The following NCR3LG1 variants were observed in gnomAD, a reference collection of about 807,000 sequenced individuals.
The protein encoded by NCR3LG1 is natural killer cell cytotoxicity receptor 3 ligand 1.
NCR3LG1 carries 35 observed loss-of-function variants against 34.8 expected under a neutral mutation model. The observed-to-expected ratio is 1.01, with a 90% confidence interval of 0.77 to 1.33. The LOEUF (loss-of-function observed/expected upper bound fraction) is 1.33, where lower values mean the gene tolerates loss of function less well. NCR3LG1 is among the 40% of genes most tolerant of loss of function. The pLI is 0.00. For missense variants in NCR3LG1, 452 were observed against 423.3 expected (o/e 1.07, Z -0.60); for synonymous variants, 173 against 163.6 (o/e 1.06, Z -0.44).
chr11:17,351,814 G>T lies in NCR3LG1; in HGVS notation c.-156G>T. ...CAGGCGACTTCGCAGTTGCCGAAGGGATCTGAAGAAGTGGGATGTGCAAAA... is the reference window on the plus strand; with the variant it reads ...CAGGCGACTTCGCAGTTGCCGAAGGTATCTGAAGAAGTGGGATGTGCAAAA... On this transcript the variant is annotated 5_prime_UTR_variant, in exon 1 of 5. Transcript: ENST00000338965. 1 of 593,124 alleles carries T rather than the reference G, an allele frequency of 1.7e-6. No homozygotes were observed. Among genetic ancestry groups the T allele is most frequent in the Non-Finnish European group, 3.0e-6 (1 of 337,896 alleles). The allele number at this position is 593,124 out of a possible 1,614,324, so 36.7% of individuals were successfully genotyped here. A position where few individuals can be genotyped will look rare whatever the true frequency, so the allele number is the denominator to read the frequency against.
chr11:17,367,147 C>A lies in NCR3LG1; in HGVS notation c.560C>A (p.Pro187His), dbSNP rs989348977. The A allele has an allele frequency of 2.0e-6, 3 of 1,536,486 alleles. No homozygotes were observed. The highest frequency in any genetic ancestry group is 1.7e-6 in the Non-Finnish European group (2 of 1,147,024). ...AAGCAGACCCAGAAGTTTCCCCATCCCATAGAGATTTCTGAGGATGTCATC... is the reference window on the plus strand; with the variant it reads ...AAGCAGACCCAGAAGTTTCCCCATCACATAGAGATTTCTGAGGATGTCATC... ...WEKQTQKFPH[P>H]IEISEDVITG... Residue 187 changes from proline (P) to histidine (H), a missense_variant, in exon 3 of 5, where the codon CCC (proline) becomes CAC (histidine). Transcript: ENST00000338965.
At position 17,357,925 on chromosome 11, in the gene NCR3LG1, A is replaced by G. The variant is rs568562481; in HGVS notation, c.421+924A>G. 2.0e-5 allele frequency among the ~76,000 whole-genome samples: 3 copies of G among 152,212 alleles called. No homozygotes were observed. In the South Asian group the frequency reaches 6.2e-4, roughly 32 times the overall value. The stretch of plus-strand genomic sequence containing the variant: ...CTTGTGTTGCCCAGGCTCGTCTCCA[A>G]CTTCTGGCCTCAAGAGATCCTTGTG... On this transcript the variant is annotated intron_variant, in intron 2 of 4. Coordinates refer to ENST00000338965, the MANE Select transcript of NCR3LG1 (RefSeq NM_001202439.3).
chr11:17,361,403 T>C (rs1953268127), intron 2 of NCR3LG1, among the ~76,000 whole-genome samples: 1 of 151,766 alleles, frequency 6.6e-6, no homozygotes, highest in African/African-American at 2.4e-5. Flanking sequence ...TTCTCCTACC[T>C]CAGCCTCCCG....
chr11:17,381,008 C>G (rs531121282), downstream of NCR3LG1: 3 of 152,276 alleles, frequency 2.0e-5, 1 homozygote, highest in South Asian at 6.2e-4. Context: ...TTTCCAAGAT[C>G]CTATCAACTC....
Position 17,372,676 on chromosome 11 carries a change from G to C in NCR3LG1, c.*164G>C, listed in dbSNP as rs1210763219. 1 of 568,594 alleles carries C rather than the reference G, an allele frequency of 1.8e-6. No homozygotes were observed. Among genetic ancestry groups the C allele is most frequent in the East Asian group, 2.8e-5 (1 of 35,914 alleles). 35.2% of individuals were successfully genotyped at this position (568,594 alleles called of 1,614,324 possible). A position where few individuals can be genotyped will look rare whatever the true frequency, so the allele number is the denominator to read the frequency against. On this transcript the variant is annotated 3_prime_UTR_variant, in exon 5 of 5. Transcript: ENST00000338965. ...TTGACCTTACTTGGGGTGATGTTAT[G>C]TTGCTCTTAAACTCTTAACTACTAC...
intron 4 of NCR3LG1, among the ~76,000 whole-genome samples, chr11:17,370,086 C>G (rs1031641291): frequency 6.6e-6 from 1 of 152,164 alleles, no homozygotes; most frequent in African/African-American, 2.4e-5. Context: ...GGGAACAAAG[C>G]CACATGGAGT....
rs565023536 is a variant in NCR3LG1 at position 17,353,733 on chromosome 11, C to T, written c.70+1694C>T. Among the ~76,000 whole-genome samples, 27 of 152,172 alleles carry T rather than the reference C, an allele frequency of 1.8e-4. 1 individual carries two copies. The highest frequency in any genetic ancestry group is 1.7e-3 in the Admixed American group (26 of 15,302). On this transcript the variant is annotated intron_variant, in intron 1 of 4. Coordinates refer to ENST00000338965, the MANE Select transcript of NCR3LG1 (RefSeq NM_001202439.3). ...GTGACGGCAGCAGCAGCAGCAGCTC[C>T]TGGAGGAAGCTAGTTCCGGCTCGTC...
chr11:17,362,575 T>G (rs566479873), intron 2 of NCR3LG1, among the ~76,000 whole-genome samples: 1 of 152,126 alleles, frequency 6.6e-6, no homozygotes, highest in East Asian at 1.9e-4. Context: ...TTTAGTAGGA[T>G]TAACCAGTGA....
intron 3 of NCR3LG1, among the ~76,000 whole-genome samples, chr11:17,368,301 G>A (rs1444671294): frequency 6.6e-6 from 1 of 152,152 alleles, no homozygotes; most frequent in African/African-American, 2.4e-5. Context: ...CTGGTCTTGG[G>A]TGTGGGTGGC....
At chr11:17,359,264 T>A (rs1953243691) in intron 2 of NCR3LG1, among the ~76,000 whole-genome samples, 1 of 152,200 alleles carries the variant, frequency 6.6e-6, no homozygotes, top group South Asian at 2.1e-4. Context: ...TACAAATATT[T>A]CTATGTGTAA....
At chr11:17,356,009 T>C (rs1953200088) in intron 1 of NCR3LG1, among the ~76,000 whole-genome samples, 1 of 152,006 alleles carries the variant, frequency 6.6e-6, no homozygotes, top group Non-Finnish European at 1.5e-5. Context: ...TTATATTGCC[T>C]AGTCTGGTCT....
rs1953442427 is a variant in NCR3LG1 at position 17,373,774 on chromosome 11, C to T, written c.*1262C>T. The T allele has an allele frequency of 6.8e-6, 1 of 148,014 alleles. No homozygotes were observed. The highest frequency in any genetic ancestry group is 6.7e-5 in the Admixed American group (1 of 14,824). 9.2% of individuals were successfully genotyped at this position (148,014 alleles called of 1,614,324 possible). ...GTTTACACAGGCCTTTTTAGTCATG[C>T]CTGAAAGTCCCACTCCTTTATTAGA... On this transcript the variant is annotated 3_prime_UTR_variant, in exon 5 of 5. Coordinates refer to ENST00000338965, the MANE Select transcript of NCR3LG1 (RefSeq NM_001202439.3).
intron 3 of NCR3LG1, among the ~76,000 whole-genome samples, 170 bp from the exon 4 acceptor site, chr11:17,368,697 T>TGGA (rs999343963): frequency 6.6e-6 from 1 of 152,154 alleles, no homozygotes; most frequent in African/African-American, 2.4e-5. Context: ...GTTTGATGTA[T>TGGA]GGAGGTGTAT....
chr11:17,356,038 C>T (rs1000983631), intron 1 of NCR3LG1, among the ~76,000 whole-genome samples: 33 of 151,964 alleles, frequency 2.2e-4, no homozygotes, highest in Non-Finnish European at 3.4e-4. Flanking sequence ...TGGGCTCAAA[C>T]GATCCTCTGG....
At chr11:17,378,175 C>G (rs59134929), downstream of NCR3LG1, among the ~76,000 whole-genome samples, 32,080 of 152,060 alleles carry the variant, frequency 0.21, 3,692 homozygotes, top group African/African-American at 0.27. Flanking sequence ...TAGACAGGCC[C>G]TAGATATCCT....
intron 2 of NCR3LG1, among the ~76,000 whole-genome samples, chr11:17,360,399 C>T (rs969550723): frequency 7.9e-5 from 12 of 152,108 alleles, no homozygotes; most frequent in African/African-American, 2.7e-4. Context: ...TTTAAAAAGT[C>T]GAACTTACTA....
chr11:17,364,712 A>T lies in NCR3LG1; in HGVS notation c.422-2297A>T, dbSNP rs557892220. ...CAGGCATGCGCCACCACCCCTGGCTAATTTTGTATTTTTAGTAGAAATGGG... is the reference window on the plus strand; with the variant it reads ...CAGGCATGCGCCACCACCCCTGGCTTATTTTGTATTTTTAGTAGAAATGGG... On this transcript the variant is annotated intron_variant, in intron 2 of 4. Transcript: ENST00000338965. Among the ~76,000 whole-genome samples, 1,165 of 151,908 alleles carry T rather than the reference A, an allele frequency of 7.7e-3. 14 individuals are homozygous for T. The highest frequency in any genetic ancestry group is 0.027 in the Middle Eastern group (8 of 294).
At chr11:17,378,907 C>T (rs1445882687), downstream of NCR3LG1, among the ~76,000 whole-genome samples, 1 of 152,168 alleles carries the variant, frequency 6.6e-6, no homozygotes, top group East Asian at 1.9e-4. Flanking sequence ...ATTCCATTCC[C>T]TGAGACATGC....
chr11:17,354,468 C>T (rs911320362), intron 1 of NCR3LG1, among the ~76,000 whole-genome samples: 2 of 151,404 alleles, frequency 1.3e-5, no homozygotes, highest in African/African-American at 4.8e-5. Flanking sequence ...GTCTGGCACT[C>T]AGGTTTGTAT....
Sources: gnomAD v4.1 joint callset for allele counts (sites outside exome capture counted in the v4.1 genomes callset) on GRCh38, gnomAD v4.1.1 for gene constraint, MANE v1.5 for transcripts, NCBI Gene and HGNC (gene_info 2026-07-23, HGNC 2026-07-21) for gene names.